The following AKAP13 variants were observed in gnomAD, a reference collection of about 807,000 sequenced individuals.
AKAP13 encodes the protein A-kinase anchoring protein 13.
AKAP13 carries 80 observed loss-of-function variants against 264.5 expected under a neutral mutation model. The ratio of observed to expected loss-of-function variants is 0.30; its 90% CI spans 0.25 to 0.36. The LOEUF (loss-of-function observed/expected upper bound fraction) is 0.36. AKAP13 is among the 10% of genes least tolerant of loss of function. The pLI, the probability that AKAP13 is intolerant of heterozygous loss-of-function variation, is 1.00. For missense variants in AKAP13, 3,712 were observed against 3,435.2 expected (o/e 1.08, Z -2.01); for synonymous variants, 1,380 against 1,250.2 (o/e 1.10, Z -2.19).
chr15:85,381,170 G>A (rs933745226), intron 1 of AKAP13, among the ~76,000 whole-genome samples: 9 of 152,066 alleles, frequency 5.9e-5, no homozygotes, highest in Admixed American at 2.6e-4. Flanking sequence ...CCGGGTCCCC[G>A]GGTCGGCGCC....
Position 85,743,570 on chromosome 15 carries a change from C to A in AKAP13, c.8137C>A (p.Pro2713Thr), listed in dbSNP as rs1232773432. The change falls in exon 36 of 37, where the codon CCT becomes ACT. Residue 2713 changes from proline to threonine, a missense_variant. By Grantham distance (38) the Pro-to-Thr change is conservative. Around this residue, in one of 3 missense-constraint regions of AKAP13, gnomAD observed 611 missense variants for 539.3 expected, o/e 1.13. Transcript: ENST00000394518. ...SPEEPPSPSAPSIAKSGSLDS... is the reference protein window; with the variant it reads ...SPEEPPSPSATSIAKSGSLDS... Reference sequence around the variant, plus strand: ...TGAGGAGCCCCCCTCGCCATCTGCACCTTCCATAGCCAAATCAGGGTCATT... The same window carrying A: ...TGAGGAGCCCCCCTCGCCATCTGCAACTTCCATAGCCAAATCAGGGTCATT... The A allele has an allele frequency of 1.2e-6, 2 of 1,614,062 alleles. No individual in the cohort carries two copies. The highest frequency in any genetic ancestry group is 1.7e-5 in the Admixed American group (1 of 60,000).
At chr15:85,425,423 C>T (rs2072729296) in intron 1 of AKAP13, among the ~76,000 whole-genome samples, 1 of 151,958 alleles carries the variant, frequency 6.6e-6, no homozygotes, top group Non-Finnish European at 1.5e-5. Flanking sequence ...CCTCTAAGAA[C>T]TTATACTAGA....
At chr15:85,614,428 A>G (rs2080848327) in intron 8 of AKAP13, among the ~76,000 whole-genome samples, 1 of 152,234 alleles carries the variant, frequency 6.6e-6, no homozygotes, top group African/African-American at 2.4e-5. Context: ...TTTGTAAGAT[A>G]TTACTATAGA....
intron 8 of AKAP13, among the ~76,000 whole-genome samples, chr15:85,603,663 GC>G (rs1350299447): frequency 6.6e-6 from 1 of 152,190 alleles, no homozygotes; most frequent in Non-Finnish European, 1.5e-5. Flanking sequence ...CCAGCTGCCA[GC>G]CTCGCCAGAA....
At chr15:85,506,518 A>G (rs943454476) in intron 2 of AKAP13, among the ~76,000 whole-genome samples, 33 of 137,794 alleles carry the variant, frequency 2.4e-4, no homozygotes, top group African/African-American at 8.7e-4. Context: ...TTTTATATAT[A>G]CATATAGGTA....
Position 85,446,246 on chromosome 15 carries a change from T to C in AKAP13, c.-11-39464T>C, listed in dbSNP as rs568920758. Among the ~76,000 whole-genome samples the C allele has an allele frequency of 3.9e-5, 6 of 152,268 alleles. No individual in the cohort carries two copies. In the South Asian group the frequency reaches 1.2e-3, roughly 32 times the overall value. ...TGATAACGTGGAAGATAGTTATGCT[T>C]AGAGGCAAAGACAACAGCAGGGAAT... On this transcript the variant is annotated intron_variant, in intron 1 of 36. Coordinates refer to ENST00000394518, the MANE Select transcript of AKAP13 (RefSeq NM_007200.5).
rs1307814087 is a variant in AKAP13 at position 85,585,795 on chromosome 15, A to C, written c.4133A>C (p.Lys1378Thr). ...VAVGSIAATLKMKQGPMTQAI... is the reference protein window; with the variant it reads ...VAVGSIAATLTMKQGPMTQAI... The stretch of plus-strand genomic sequence containing the variant: ...GTAGGGAGCATAGCTGCTACACTGA[A>C]GATGAAGCAAGGCCCAATGACCCAG... The change falls in exon 8 of 37, where the codon AAG becomes ACG. Residue 1378 changes from lysine to threonine, a missense_variant. Around this residue, in one of 3 missense-constraint regions of AKAP13, gnomAD observed 2,759 missense variants for 2,411.7 expected, o/e 1.14. Transcript: ENST00000394518. The C allele has an allele frequency of 6.2e-7, 1 of 1,614,120 alleles. No homozygotes were observed. The highest frequency in any genetic ancestry group is 1.1e-5 in the South Asian group (1 of 91,080).
intron 8 of AKAP13, among the ~76,000 whole-genome samples, chr15:85,593,563 T>G (rs1345265305): frequency 6.6e-6 from 1 of 152,044 alleles, no homozygotes; most frequent in East Asian, 1.9e-4. Flanking sequence ...CACACATTCT[T>G]TAACCCAATC....
chr15:85,512,411 C>T (rs925632517), intron 2 of AKAP13, among the ~76,000 whole-genome samples: 1 of 152,156 alleles, frequency 6.6e-6, no homozygotes, highest in Non-Finnish European at 1.5e-5. Flanking sequence ...CACCCTCTTT[C>T]TCCTATACCC....
At chr15:85,612,432 G>A (rs899534281) in intron 8 of AKAP13, among the ~76,000 whole-genome samples, 3 of 151,970 alleles carry the variant, frequency 2.0e-5, no homozygotes, top group South Asian at 4.1e-4. Flanking sequence ...AATCACATAC[G>A]CATTTTGCAC....
At chr15:85,396,266 G>A (rs2071106225) in intron 1 of AKAP13, among the ~76,000 whole-genome samples, 1 of 152,154 alleles carries the variant, frequency 6.6e-6, no homozygotes, top group Non-Finnish European at 1.5e-5. Context: ...CTTGCCTGAT[G>A]GTTGTGCTTG....
intron 4 of AKAP13, among the ~76,000 whole-genome samples, chr15:85,540,006 A>G (rs2077529896): frequency 6.6e-6 from 1 of 152,342 alleles, no homozygotes; most frequent in East Asian, 1.9e-4. Flanking sequence ...GCAAGGAGAA[A>G]AGTAGGTTTT....
intron 14 of AKAP13, among the ~76,000 whole-genome samples, chr15:85,678,762 G>A (rs1418974866): frequency 6.6e-6 from 1 of 151,982 alleles, no homozygotes; most frequent in East Asian, 1.9e-4. Context: ...GCAGTTACTT[G>A]GGAGGCTGAG....
At chr15:85,538,489 T>C (rs1279857791) in intron 4 of AKAP13, among the ~76,000 whole-genome samples, 1 of 150,980 alleles carries the variant, frequency 6.6e-6, no homozygotes, top group Non-Finnish European at 1.5e-5. Flanking sequence ...AGCTTTTCTT[T>C]CTTTTTTTTT....
chr15:85,624,295 C>G (rs915260796), intron 8 of AKAP13, among the ~76,000 whole-genome samples: 19 of 152,134 alleles, frequency 1.2e-4, no homozygotes, highest in Non-Finnish European at 5.9e-5. Flanking sequence ...AGATTTGCAA[C>G]TGTGTTTTGT....
At chr15:85,606,953 A>C (rs895208605) in intron 8 of AKAP13, among the ~76,000 whole-genome samples, 3 of 152,178 alleles carry the variant, frequency 2.0e-5, no homozygotes, top group Non-Finnish European at 4.4e-5. Context: ...TGTTTCGGGG[A>C]CATTTTAAGT....
At chr15:85,498,311 T>C (rs1004736396) in intron 2 of AKAP13, among the ~76,000 whole-genome samples, 1 of 151,844 alleles carries the variant, frequency 6.6e-6, no homozygotes, top group Non-Finnish European at 1.5e-5. Flanking sequence ...ACATAGTGCA[T>C]GTAAAGTTAC....
chr15:85,411,216 C>T (rs576298826), intron 1 of AKAP13, among the ~76,000 whole-genome samples: 1 of 152,204 alleles, frequency 6.6e-6, no homozygotes, highest in Non-Finnish European at 1.5e-5. Flanking sequence ...CCAGTAGTCA[C>T]GGTATTCATT....
In AKAP13 at chr15:85,655,804, T is replaced by C; in HGVS notation, c.4745+17T>C. On this transcript the variant is annotated intron_variant, in intron 11 of 36. Coordinates refer to ENST00000394518, the MANE Select transcript of AKAP13 (RefSeq NM_007200.5). ...CCACCGGAGGTGAGATGGGAGGCGG[T>C]TTGTTTAGTGTCTCAGTGTCTGCTT... 1 of 1,596,336 alleles carries C rather than the reference T, an allele frequency of 6.3e-7. No homozygotes were observed. The highest frequency in any genetic ancestry group is 8.6e-7 in the Non-Finnish European group (1 of 1,168,674).
Sources: gnomAD v4.1 joint callset for allele counts (sites outside exome capture counted in the v4.1 genomes callset) on GRCh38, gnomAD v4.1.1 for gene constraint, gnomAD v4.1.1 regional missense constraint, MANE v1.5 for transcripts, NCBI Gene and HGNC (gene_info 2026-07-23, HGNC 2026-07-21) for gene names.